Variants in ETV6 observed in about 807,000 individuals in gnomAD.
ETV6 encodes ETS variant transcription factor 6, also known as transcription factor ETV6.
In ETV6, 16 loss-of-function variants were observed where a neutral mutation model predicts 51.1. The observed-to-expected ratio is 0.31, with a 90% CI of 0.21 to 0.48. The LOEUF (loss-of-function observed/expected upper bound fraction) is 0.48. Among genes scored for constraint, ETV6 ranks in the 20% least tolerant of loss-of-function variants. The pLI is 0.99. For missense variants in ETV6, 458 were observed against 594.8 expected (o/e 0.77, Z 2.39); for synonymous variants, 240 against 224.1 (o/e 1.07, Z -0.64).
chr12:11,815,300 G>A (rs1414068119), intron 2 of ETV6, among the ~76,000 whole-genome samples: 1 of 152,216 alleles, frequency 6.6e-6, no homozygotes. Context: ...AGGGGGCAAA[G>A]CCAGGACTAA....
intron 1 of ETV6, among the ~76,000 whole-genome samples, chr12:11,690,880 C>A: frequency 6.3e-5 from 1 of 15,914 alleles, no homozygotes; most frequent in East Asian, 4.1e-3. Flanking sequence ...GAGTGAGACT[C>A]TGTCTCTAAA....
chr12:11,821,652 A>G (rs2710286), intron 2 of ETV6, among the ~76,000 whole-genome samples: 36,665 of 151,970 alleles, frequency 0.24, 4,608 homozygotes, highest in East Asian at 0.39. Context: ...CCTGGGCAAC[A>G]TAGCAAGACC....
At chr12:11,827,162 T>A (rs1054989296) in intron 2 of ETV6, among the ~76,000 whole-genome samples, 2 of 151,982 alleles carry the variant, frequency 1.3e-5, no homozygotes, top group African/African-American at 4.8e-5. Flanking sequence ...AAGTTTGTTT[T>A]TTTTTGTTTG....
chr12:11,719,449 G>T (rs1865341788), intron 1 of ETV6, among the ~76,000 whole-genome samples: 3 of 152,240 alleles, frequency 2.0e-5, no homozygotes, highest in Admixed American at 2.0e-4. Flanking sequence ...TTTCTTCCCT[G>T]AAGGACAAGC....
In ETV6 at chr12:11,654,548, G is replaced by T. The variant is rs192736355; in HGVS notation, c.33+4388G>T. Among the ~76,000 whole-genome samples the T allele has an allele frequency of 3.5e-4, 54 of 152,208 alleles. 4 individuals carry two copies. The highest frequency in any genetic ancestry group is 1.3e-3 in the African/African-American group (53 of 41,516). On this transcript the variant is annotated intron_variant, in intron 1 of 7. Coordinates refer to ENST00000396373, the MANE Select transcript of ETV6 (RefSeq NM_001987.5). ...CTAGCTTGGTCCATTTTAATCACAA[G>T]CCAGCTGGTCTGAGGGCACGGGGGT...
intron 7 of ETV6, among the ~76,000 whole-genome samples, chr12:11,890,608 A>C (rs1302068978): frequency 6.7e-6 from 1 of 149,266 alleles, no homozygotes; most frequent in Non-Finnish European, 1.5e-5. Flanking sequence ...TTTTTTTGGT[A>C]GAGGTGGGGT....
At chr12:11,809,685 A>C (rs1461487101) in intron 2 of ETV6, among the ~76,000 whole-genome samples, 1 of 152,164 alleles carries the variant, frequency 6.6e-6, no homozygotes, top group Admixed American at 6.5e-5. Context: ...GAGAGGGATC[A>C]ATGTCTGCAG....
chr12:11,731,055 T>C (rs1312138037), intron 1 of ETV6, among the ~76,000 whole-genome samples: 2 of 152,226 alleles, frequency 1.3e-5, no homozygotes, highest in African/African-American at 4.8e-5. Context: ...CTGCCTTTTG[T>C]AGCACTGCTC....
chr12:11,755,183 G>GCTGTTCTGT (rs1431520724), intron 2 of ETV6, among the ~76,000 whole-genome samples: 1 of 152,156 alleles, frequency 6.6e-6, no homozygotes, highest in Non-Finnish European at 1.5e-5. Context: ...TATTCTAATT[G>GCTGTTCTGT]CTGTTCTGTC....
At chr12:11,758,625 C>T (rs547583952) in intron 2 of ETV6, among the ~76,000 whole-genome samples, 232 of 152,324 alleles carry the variant, frequency 1.5e-3, no homozygotes, top group African/African-American at 5.3e-3. Flanking sequence ...TTCCCGTTCT[C>T]GCCTGAATCT....
intron 1 of ETV6, among the ~76,000 whole-genome samples, chr12:11,725,155 T>C (rs967530663): frequency 3.0e-5 from 4 of 134,458 alleles, no homozygotes; most frequent in African/African-American, 1.2e-4. Context: ...ATCTTTCTTT[T>C]TAGCTGTTTT....
chr12:11,722,228 C>G (rs927280509), intron 1 of ETV6, among the ~76,000 whole-genome samples: 2 of 152,172 alleles, frequency 1.3e-5, no homozygotes, highest in Non-Finnish European at 2.9e-5. Context: ...GGAGAAAAGT[C>G]GACTGGTTTG....
chr12:11,665,484 G>A (rs560439370), intron 1 of ETV6, among the ~76,000 whole-genome samples: 3 of 152,342 alleles, frequency 2.0e-5, no homozygotes, highest in African/African-American at 7.2e-5. Flanking sequence ...ATCCACACTA[G>A]ACTGAAAGCC....
chr12:11,773,603 T>G (rs1056363372), intron 2 of ETV6, among the ~76,000 whole-genome samples: 1 of 152,228 alleles, frequency 6.6e-6, no homozygotes, highest in African/African-American at 2.4e-5. Context: ...GAAGGAGACT[T>G]TATCCATGGC....
intron 1 of ETV6, among the ~76,000 whole-genome samples, chr12:11,708,401 T>C (rs990873181): frequency 6.6e-6 from 1 of 152,184 alleles, no homozygotes; most frequent in Non-Finnish European, 1.5e-5. Flanking sequence ...GACTGGAAAT[T>C]TGGGGACTTA....
At chr12:11,729,304 T>A (rs565979909) in intron 1 of ETV6, among the ~76,000 whole-genome samples, 4 of 152,288 alleles carry the variant, frequency 2.6e-5, no homozygotes, top group African/African-American at 9.6e-5. Context: ...AACTCCTGAG[T>A]AGTCTCATCT....
rs548174047 is a variant in ETV6 at position 11,721,674 on chromosome 12, G to A, written c.34-30776G>A. Among the ~76,000 whole-genome samples the A allele has an allele frequency of 9.9e-5, 15 of 152,200 alleles. 1 individual carries two copies. The South Asian group carries it at 2.9e-3, about 29-fold the overall frequency. On this transcript the variant is annotated intron_variant, in intron 1 of 7. Coordinates refer to ENST00000396373, the MANE Select transcript of ETV6 (RefSeq NM_001987.5). The stretch of plus-strand genomic sequence containing the variant: ...ATACCCATGTAACAAACCTGCACAC[G>A]TAAACCCTATGTCTAAAGTAAAAGT...
intron 2 of ETV6, among the ~76,000 whole-genome samples, chr12:11,764,963 T>C (rs972622966): frequency 1.5e-4 from 23 of 152,296 alleles, no homozygotes; most frequent in African/African-American, 4.8e-4. Context: ...GACAGGTCCA[T>C]CCAATATACA....
intron 1 of ETV6, among the ~76,000 whole-genome samples, chr12:11,692,284 C>T (rs888222530): frequency 2.0e-5 from 3 of 152,184 alleles, no homozygotes; most frequent in Non-Finnish European, 2.9e-5. Context: ...TCCTGGAACT[C>T]TGCTGAGTCC....
Sources: gnomAD v4.1 joint callset for allele counts (sites outside exome capture counted in the v4.1 genomes callset) on GRCh38, gnomAD v4.1.1 for gene constraint, MANE v1.5 for transcripts, NCBI Gene and HGNC (gene_info 2026-07-23, HGNC 2026-07-21) for gene names.